SIGLEC14: variants seen among roughly 807,000 people sequenced by gnomAD.
The protein encoded by SIGLEC14 is sialic acid-binding Ig-like lectin 14.
In SIGLEC14, 11 loss-of-function variants were observed where a neutral mutation model predicts 34.2. The ratio of observed to expected loss-of-function variants is 0.32; its 90% CI spans 0.20 to 0.53. The LOEUF is 0.53. Ranked by LOEUF, SIGLEC14 falls within the 20% of genes least tolerant of loss-of-function variation. The pLI, the probability that SIGLEC14 is intolerant of heterozygous loss-of-function variation, is 0.95. For missense variants in SIGLEC14, 264 were observed against 439.0 expected (o/e 0.60, Z 3.56); for synonymous variants, 99 against 179.7 (o/e 0.55, Z 3.59).
chr19:51,644,211 G>A (rs1600110689), intron 4 of SIGLEC14, among the ~76,000 whole-genome samples, 175 bp from the exon 5 acceptor site: 1 of 138,676 alleles, frequency 7.2e-6, no homozygotes, highest in Non-Finnish European at 1.5e-5. Flanking sequence ...GAAAGAAGGT[G>A]GCTGAGCTGA....
rs941791094 is a variant in SIGLEC14, at chr19:51,643,265, A to C, written c.*90T>G. On this transcript the variant is annotated 3_prime_UTR_variant, in exon 7 of 7. Transcript: ENST00000360844. The stretch of plus-strand genomic sequence containing the variant: ...AAAGAGGGGTAGTCAGTGGGATGTG[A>C]GCTTCCAGAAAGAAGCTGACAGTGA... The C allele has an allele frequency of 3.2e-6, 4 of 1,249,030 alleles. No individual in the cohort carries two copies. In the African/African-American group the frequency reaches 5.2e-5, roughly 16 times the overall value. 77.4% of individuals were successfully genotyped at this position (1,249,030 alleles called of 1,614,324 possible).
intron 4 of SIGLEC14, among the ~76,000 whole-genome samples, chr19:51,644,416 C>G (rs992703627): frequency 2.2e-5 from 3 of 137,112 alleles, no homozygotes; most frequent in Non-Finnish European, 3.1e-5. Context: ...GCATTGGGTG[C>G]CAGATTGAGG....
rs10405990 is a variant in SIGLEC14, at chr19:51,642,271, C to T, written c.*1084G>A. Among the ~76,000 whole-genome samples, 1,450 of 138,970 alleles carry T rather than the reference C, an allele frequency of 0.01. 313 individuals are homozygous for T. The highest frequency in any genetic ancestry group is 0.036 in the African/African-American group (1,328 of 36,618). The allele number at this position is 138,970 out of a possible 152,430, so 91.2% of individuals were successfully genotyped here. On this transcript the variant is annotated 3_prime_UTR_variant, in exon 7 of 7. Transcript: ENST00000360844. The stretch of plus-strand genomic sequence containing the variant: ...CAAAACTGAGAATGAGCTATTGATA[C>T]GTGTAACAACGTGGATAAACTGGGA...
rs1240924435 is a variant in SIGLEC14, at chr19:51,640,790, A to G, written c.*2565T>C. On this transcript the variant is annotated 3_prime_UTR_variant, in exon 7 of 7. Coordinates refer to ENST00000360844, the MANE Select transcript of SIGLEC14 (RefSeq NM_001098612.3). Reference sequence around the variant, plus strand: ...GGAGTTCAGGACCAGCCTGACTTACATGGTGAAACCTTGTCTCTACTAAAT... The same window carrying G: ...GGAGTTCAGGACCAGCCTGACTTACGTGGTGAAACCTTGTCTCTACTAAAT... Among the ~76,000 whole-genome samples, 2 of 138,248 alleles carry G rather than the reference A, an allele frequency of 1.4e-5. No individual in the cohort carries two copies. The highest frequency in any genetic ancestry group is 7.0e-5 in the Admixed American group (1 of 14,356). The allele number at this position is 138,248 out of a possible 152,430, so 90.7% of individuals were successfully genotyped here.
chr19:51,643,044 AAG>A lies in SIGLEC14; in HGVS notation c.*309_*310del. 4.2e-6 allele frequency: 1 copy of A among 237,418 alleles called. No individual in the cohort carries two copies. The allele number at this position is 237,418 out of a possible 1,614,324, so 14.7% of individuals were successfully genotyped here. A position where few individuals can be genotyped will look rare whatever the true frequency, so the allele number is the denominator to read the frequency against. On this transcript the variant is annotated 3_prime_UTR_variant, in exon 7 of 7. Coordinates refer to ENST00000360844, the MANE Select transcript of SIGLEC14 (RefSeq NM_001098612.3). Reference sequence around the variant, plus strand: ...GTCTCAAAAAAAAAAAAAAAAAAAAAAGGTAACTTTTGGGTAATGGGTAATGG... The same window carrying A: ...GTCTCAAAAAAAAAAAAAAAAAAAAAGTAACTTTTGGGTAATGGGTAATGG...
chr19:51,643,483 G>GGGGGGGGGGGGCCCCCCCCCC, intron 6 of SIGLEC14, 54 bp downstream of exon 6: 4 of 1,297,882 alleles, frequency 3.1e-6, no homozygotes, highest in Non-Finnish European at 3.0e-6. Flanking sequence ...GGGCAGGACA[G>GGGGGGGGGGGGCCCCCCCCCC]CTCAGCCCCA....
rs1983899345 is a variant in SIGLEC14 at position 51,641,263 on chromosome 19, A to G, written c.*2092T>C. On this transcript the variant is annotated 3_prime_UTR_variant, in exon 7 of 7. Transcript: ENST00000360844. Reference sequence around the variant, plus strand: ...AACAGGGCAATACACATTCTTTCTAAGCACACATGGAGCATTCACCAAGAT... The same window carrying G: ...AACAGGGCAATACACATTCTTTCTAGGCACACATGGAGCATTCACCAAGAT... Among the ~76,000 whole-genome samples, 1 of 139,206 alleles carries G rather than the reference A, an allele frequency of 7.2e-6. No homozygotes were observed. Among genetic ancestry groups the G allele is most frequent in the African/African-American group, 2.7e-5 (1 of 36,704 alleles). The allele number at this position is 139,206 out of a possible 152,430, so 91.3% of individuals were successfully genotyped here. A position where few individuals can be genotyped will look rare whatever the true frequency, so the allele number is the denominator to read the frequency against.
rs1984011904 is a variant in SIGLEC14, at chr19:51,645,468, C to G, written c.754+9G>C. The G allele has an allele frequency of 6.5e-7, 1 of 1,528,908 alleles. No individual in the cohort carries two copies. Among genetic ancestry groups the G allele is most frequent in the Non-Finnish European group, 8.8e-7 (1 of 1,138,464 alleles). The allele number at this position is 1,528,908 out of a possible 1,614,324, so 94.7% of individuals were successfully genotyped here. A position where few individuals can be genotyped will look rare whatever the true frequency, so the allele number is the denominator to read the frequency against. ...ATCACAGCCCCAGAGGGAAGAGGGT[C>G]TTTCCTACCTGTGCCTGTGCCATTT... is the stretch of plus-strand genomic sequence containing the variant. On this transcript the variant is annotated intron_variant, in intron 4 of 6. Transcript: ENST00000360844.
rs937582910 is a variant in SIGLEC14 at position 51,639,522 on chromosome 19, C to T, written c.*3833G>A. 9 of 139,466 alleles carry T rather than the reference C, an allele frequency of 6.5e-5. 3 individuals are homozygous for T. Among genetic ancestry groups the T allele is most frequent in the East Asian group, 6.5e-4 (2 of 3,060 alleles). The allele number at this position is 139,466 out of a possible 1,614,324, so 8.6% of individuals were successfully genotyped here. On this transcript the variant is annotated 3_prime_UTR_variant, in exon 7 of 7. Coordinates refer to ENST00000360844, the MANE Select transcript of SIGLEC14 (RefSeq NM_001098612.3). ...ATTTATTTCTCATAATTCTGGAGGTCGGGAAGTCCAAGATCAAGGTGCCAG... is the reference window on the plus strand; with the variant it reads ...ATTTATTTCTCATAATTCTGGAGGTTGGGAAGTCCAAGATCAAGGTGCCAG...
chr19:51,643,496 T>C, intron 6 of SIGLEC14, 41 bp downstream of exon 6: 1 of 1,324,010 alleles, frequency 7.6e-7, no homozygotes, highest in Non-Finnish European at 9.8e-7. Flanking sequence ...CAGCCCCACC[T>C]GGAACTCAGG....
In SIGLEC14 at chr19:51,646,359, C is replaced by A; in HGVS notation, c.319G>T (p.Asp107Tyr). ...QKKNCSLSIG[D>Y]ARMEDTGSYF... Reference sequence around the variant, plus strand: ...CTTCCCGTGTCCTCCATTCTGGCATCTCCGATGCTCAGGGAGCAGTTCTTC... The same window carrying A: ...CTTCCCGTGTCCTCCATTCTGGCATATCCGATGCTCAGGGAGCAGTTCTTC... The change falls in exon 2 of 7, where the codon GAT becomes TAT. Residue 107 changes from aspartate (D) to tyrosine (Y), a missense_variant. Physicochemically the swap from Asp to Tyr is radical, Grantham distance 160 (BLOSUM62 -3). Around this residue, in one of 5 missense-constraint regions of SIGLEC14, gnomAD observed 31 missense variants for 67.4 expected, o/e 0.46. Transcript: ENST00000360844. 8.2e-7 allele frequency: 1 copy of A among 1,212,504 alleles called. No individual in the cohort carries two copies. Among genetic ancestry groups the A allele is most frequent in the Non-Finnish European group, 1.1e-6 (1 of 906,918 alleles). The allele number at this position is 1,212,504 out of a possible 1,614,324, so 75.1% of individuals were successfully genotyped here.
chr19:51,643,562 C>T lies in SIGLEC14; in HGVS notation c.1123G>A (p.Gly375Ser). Residue 375 changes from glycine (G) to serine (S), a missense_variant, in exon 6 of 7, where the codon GGC becomes AGC. Coordinates refer to ENST00000360844, the MANE Select transcript of SIGLEC14 (RefSeq NM_001098612.3). ...LMGAGFLLTYGLTWIYYTRCG... is the reference protein window; with the variant it reads ...LMGAGFLLTYSLTWIYYTRCG... Reference sequence around the variant, plus strand: ...CTGGTATAGTAGATCCAGGTGAGGCCATAGGTGAGGAGGAAGCCAGCCCCC... The same window carrying T: ...CTGGTATAGTAGATCCAGGTGAGGCTATAGGTGAGGAGGAAGCCAGCCCCC... 1 of 1,527,406 alleles carries T rather than the reference C, an allele frequency of 6.5e-7. No homozygotes were observed. Among genetic ancestry groups the T allele is most frequent in the Non-Finnish European group, 8.8e-7 (1 of 1,139,612 alleles). 94.6% of individuals were successfully genotyped at this position (1,527,406 alleles called of 1,614,324 possible). A position where few individuals can be genotyped will look rare whatever the true frequency, so the allele number is the denominator to read the frequency against.
chr19:51,643,483 G>GGGGGGGCCCCCCCCCCCC, intron 6 of SIGLEC14, 54 bp downstream of exon 6: 1 of 1,297,876 alleles, frequency 7.7e-7, no homozygotes. Flanking sequence ...GGGCAGGACA[G>GGGGGGGCCCCCCCCCCCC]CTCAGCCCCA....
At position 51,643,156 on chromosome 19, in the gene SIGLEC14, G is replaced by T; in HGVS notation, c.*199C>A. 1 of 531,720 alleles carries T rather than the reference G, an allele frequency of 1.9e-6. No homozygotes were observed. The highest frequency in any genetic ancestry group is 2.4e-5 in the Admixed American group (1 of 41,584). The allele number at this position is 531,720 out of a possible 1,614,324, so 32.9% of individuals were successfully genotyped here. ...AGAGAAGGGCAGGTGGAGAGGGGATGGGGTGCAGATGGGGATGCAGGTGTG... is the reference window on the plus strand; with the variant it reads ...AGAGAAGGGCAGGTGGAGAGGGGATTGGGTGCAGATGGGGATGCAGGTGTG... On this transcript the variant is annotated 3_prime_UTR_variant, in exon 7 of 7. Coordinates refer to ENST00000360844, the MANE Select transcript of SIGLEC14 (RefSeq NM_001098612.3).
rs923221699 is a variant in SIGLEC14, at chr19:51,642,581, T to G, written c.*774A>C. 5 of 139,072 alleles carry G rather than the reference T, an allele frequency of 3.6e-5. 1 individual carries two copies. The highest frequency in any genetic ancestry group is 1.4e-4 in the African/African-American group (5 of 36,636). 8.6% of individuals were successfully genotyped at this position (139,072 alleles called of 1,614,324 possible). On this transcript the variant is annotated 3_prime_UTR_variant, in exon 7 of 7. Coordinates refer to ENST00000360844, the MANE Select transcript of SIGLEC14 (RefSeq NM_001098612.3). ...AAGAGTAAAATCAGTTATGTTGTAT[T>G]GTTTCATAAAAGTTTTACTTATTTT...
intron 4 of SIGLEC14, 143 bp downstream of exon 4, chr19:51,645,334 G>T: frequency 1.5e-6 from 1 of 660,612 alleles, no homozygotes; most frequent in Non-Finnish European, 2.5e-6. Context: ...CAAGATCTTA[G>T]TGACTGGGAT....
At chr19:51,643,470 C>A in intron 6 of SIGLEC14, 67 bp downstream of exon 6, 1 of 1,290,898 alleles carries the variant, frequency 7.7e-7, no homozygotes, top group Non-Finnish European at 1.0e-6. Flanking sequence ...CTGAGCTGTC[C>A]TGGGGCAGGA....
At position 51,641,115 on chromosome 19, in the gene SIGLEC14, G is replaced by A. The variant is rs2122122072; in HGVS notation, c.*2240C>T. On this transcript the variant is annotated 3_prime_UTR_variant, in exon 7 of 7. Transcript: ENST00000360844. ...GAGAAACTGACAAATCCAACATTAG[G>A]ATCAGAGACTTCAACATTCCTCTCT... Among the ~76,000 whole-genome samples the A allele has an allele frequency of 7.2e-6, 1 of 138,856 alleles. No individual in the cohort carries two copies. The highest frequency in any genetic ancestry group is 2.4e-4 in the South Asian group (1 of 4,098). The allele number at this position is 138,856 out of a possible 152,430, so 91.1% of individuals were successfully genotyped here. A position where few individuals can be genotyped will look rare whatever the true frequency, so the allele number is the denominator to read the frequency against.
Position 51,645,683 on chromosome 19 carries a change from T to TTC in SIGLEC14, c.700+97_700+98dup, listed in dbSNP as rs746283101. On this transcript the variant is annotated intron_variant, in intron 3 of 6. Transcript: ENST00000360844. ...GAGTTTTCCCTGGTTATCATTCTCT[T>TTC]TCTCTCTCTCTCTTCTACACACACA... 19 of 1,352,024 alleles carry TTC rather than the reference T, an allele frequency of 1.4e-5. 1 individual carries two copies. The highest frequency in any genetic ancestry group is 2.0e-5 in the Admixed American group (1 of 49,048). The allele number at this position is 1,352,024 out of a possible 1,614,324, so 83.8% of individuals were successfully genotyped here. A position where few individuals can be genotyped will look rare whatever the true frequency, so the allele number is the denominator to read the frequency against.
Sources: allele counts gnomAD v4.1 joint callset (sites outside exome capture counted in the v4.1 genomes callset), GRCh38; gene constraint gnomAD v4.1.1; regional missense constraint gnomAD v4.1.1; transcripts MANE v1.5; gene names NCBI Gene and HGNC (gene_info 2026-07-23, HGNC 2026-07-21).